The following OASL variants were observed in gnomAD, a reference collection of about 807,000 sequenced individuals.
The protein encoded by OASL is 2'-5'-oligoadenylate synthetase like.
OASL carries 28 observed loss-of-function variants against 35.3 expected under a neutral mutation model. That is an observed-to-expected ratio of 0.79 (90% CI 0.59 to 1.09). The LOEUF (loss-of-function observed/expected upper bound fraction) is 1.09, where lower values mean the gene tolerates loss of function less well. Ranked by LOEUF, OASL falls within the 50% of genes least tolerant of loss-of-function variation. OASL has a pLI of 0.00. For missense variants in OASL, 620 were observed against 635.2 expected, an observed-to-expected ratio of 0.98 and a Z score of 0.26; for synonymous variants, 252 against 254.6, an observed-to-expected ratio of 0.99 and a Z score of 0.10.
rs181192949 is a variant in OASL, at chr12:121,033,841, C to T, written c.199-98G>A. On this transcript the variant is annotated intron_variant, in intron 1 of 5. Coordinates refer to ENST00000257570, the Ensembl canonical transcript of OASL. ...GCACTGTCTCACTGAATGCTCACCA[C>T]CCGCTGAGGGATGGGTTGTGGGTAG... The T allele has an allele frequency of 3.6e-5, 47 of 1,308,020 alleles. No individual in the cohort carries two copies. The African/African-American group carries it at 6.2e-4, about 17-fold the overall frequency. 81.0% of individuals were successfully genotyped at this position (1,308,020 alleles called of 1,614,324 possible).
intron 4 of OASL, among the ~76,000 whole-genome samples, chr12:121,025,910 C>A (rs2135905487): frequency 6.6e-6 from 1 of 152,254 alleles, no homozygotes; most frequent in Admixed American, 6.5e-5. Context: ...GCTGGCTCCT[C>A]CCAACCCTGA....
At chr12:121,032,205 T>C (rs532490701) in intron 2 of OASL, among the ~76,000 whole-genome samples, 1 of 151,504 alleles carries the variant, frequency 6.6e-6, no homozygotes, top group East Asian at 1.9e-4. Context: ...AAAATATATA[T>C]ATATATAAAC....
At chr12:121,029,064 G>GAAAAA (rs10577200) in intron 3 of OASL, among the ~76,000 whole-genome samples, 2 of 105,090 alleles carry the variant, frequency 1.9e-5, no homozygotes, top group Admixed American at 1.2e-4. Flanking sequence ...ACTTGTCTCA[G>GAAAAA]AAAAAAAAAA....
intron 3 of OASL, among the ~76,000 whole-genome samples, chr12:121,028,881 A>G (rs983518761): frequency 2.0e-5 from 3 of 151,896 alleles, no homozygotes; most frequent in Admixed American, 6.6e-5. Flanking sequence ...CTTGGCCAAC[A>G]TGGTGAAACC....
chr12:121,033,651 T>G (rs1244003399), exon 2 of OASL: 16 of 1,614,186 alleles, frequency 9.9e-6, no homozygotes, highest in Admixed American at 1.7e-5. Context: ...GATGCTTGGC[T>G]GCCTCCTGGA....
At chr12:121,022,434 G>A (rs1020963960) in intron 5 of OASL, among the ~76,000 whole-genome samples, 1 of 152,136 alleles carries the variant, frequency 6.6e-6, no homozygotes, top group African/African-American at 2.4e-5. Flanking sequence ...TGCCTAGGCT[G>A]GTCTTGAACT....
chr12:121,025,534 G>A (rs899505928), intron 4 of OASL, among the ~76,000 whole-genome samples: 1 of 151,806 alleles, frequency 6.6e-6, no homozygotes, highest in Admixed American at 6.6e-5. Flanking sequence ...TGGGGCCGAG[G>A]TGGGCAGATC....
At chr12:121,031,646 T>G in intron 2 of OASL, 29 bp from the exon 3 acceptor site, 1 of 1,599,418 alleles carries the variant, frequency 6.3e-7, no homozygotes, top group Non-Finnish European at 8.6e-7. Context: ...AAGGAAGAGA[T>G]TGGGGATTGA....
At chr12:121,020,816 G>C (rs201829260) in exon 6 of OASL, 1 of 1,614,220 alleles carries the variant, frequency 6.2e-7, no homozygotes, top group Non-Finnish European at 8.5e-7. Context: ...TCTCGGAGGG[G>C]ATGGTCTCCA....
intron 2 of OASL, among the ~76,000 whole-genome samples, chr12:121,031,956 C>T (rs1426472421): frequency 6.6e-6 from 1 of 151,960 alleles, no homozygotes; most frequent in Non-Finnish European, 1.5e-5. Context: ...TTTGGGAGGC[C>T]GAGGTGGGCG....
exon 1 of OASL, chr12:121,038,947 T>C: frequency 1.2e-6 from 2 of 1,614,182 alleles, no homozygotes; most frequent in South Asian, 2.2e-5. Flanking sequence ...GCTGGTGTGC[T>C]ATACAGTTCC....
chr12:121,037,936 A>G (rs1870019224), intron 1 of OASL, among the ~76,000 whole-genome samples: 2 of 152,068 alleles, frequency 1.3e-5, no homozygotes. Context: ...TACAAAAAAT[A>G]CAAAAATTAG....
intron 3 of OASL, 66 bp from the exon 4 acceptor site, chr12:121,027,883 A>G (rs2135907695): frequency 7.0e-7 from 1 of 1,423,642 alleles, no homozygotes; most frequent in East Asian, 2.3e-5. Flanking sequence ...ATGGCGTTGG[A>G]CCAGAAGCTG....
intron 2 of OASL, 97 bp downstream of exon 2, chr12:121,033,364 G>T: frequency 8.3e-7 from 1 of 1,205,476 alleles, no homozygotes; most frequent in Non-Finnish European, 1.2e-6. Context: ...ATGAATAAAT[G>T]TGGGTGTGTG....
chr12:121,034,150 T>A (rs2135915007), intron 1 of OASL, among the ~76,000 whole-genome samples: 1 of 151,372 alleles, frequency 6.6e-6, no homozygotes. Context: ...TCCTCATTAG[T>A]CATTTGTCTC....
intron 1 of OASL, 78 bp downstream of exon 1, chr12:121,038,696 G>T: frequency 7.0e-7 from 1 of 1,436,474 alleles, no homozygotes; most frequent in Non-Finnish European, 9.8e-7. Flanking sequence ...GGAGGACAGG[G>T]GTCCCCAGCA....
intron 5 of OASL, among the ~76,000 whole-genome samples, chr12:121,022,901 T>G (rs1345614080): frequency 6.6e-6 from 1 of 152,166 alleles, no homozygotes; most frequent in African/African-American, 2.4e-5. Context: ...TGCCCTTAGT[T>G]AATTAACCTC....
At chr12:121,027,816 T>C (rs1869554502) in exon 4 of OASL, 1 of 1,612,186 alleles carries the variant, frequency 6.2e-7, no homozygotes, top group Non-Finnish European at 8.5e-7. Flanking sequence ...GGCTTTCACA[T>C]ACTGTTGAAA....
rs1869214770 is a variant in OASL at position 121,021,039 on chromosome 12, A to T, written c.1067T>A (p.Leu356Ter). ...TGGGTAACCCCTCTGCTCCACTGTC[A>T]AGTGGATGTCTCGTGCCCTCTGGAA... The change falls in exon 6 of 6, where the codon TTG becomes TAG. Residue 356 changes from leucine (L) to a stop codon, truncating the protein, a stop_gained. Transcript: ENST00000257570. LOFTEE classifies it low-confidence loss of function (END_TRUNC). The T allele has an allele frequency of 6.3e-7, 1 of 1,595,252 alleles. No homozygotes were observed. The highest frequency in any genetic ancestry group is 8.5e-7 in the Non-Finnish European group (1 of 1,172,302).
Sources: gnomAD v4.1 joint callset for allele counts (sites outside exome capture counted in the v4.1 genomes callset) on GRCh38, gnomAD v4.1.1 for gene constraint, MANE v1.5 for transcripts, NCBI Gene and HGNC (gene_info 2026-07-23, HGNC 2026-07-21) for gene names.